DAB1: variants seen among roughly 807,000 people sequenced by gnomAD.
DAB1 encodes the protein disabled homolog 1.
Under a neutral mutation model 64.6 loss-of-function variants are expected in DAB1, and 15 were observed. That is an observed-to-expected ratio of 0.23 (90% CI 0.16 to 0.36). The LOEUF is 0.36. Ranked by LOEUF, DAB1 falls within the 10% of genes least tolerant of loss-of-function variation. The probability of loss-of-function intolerance (pLI) is 1.00; values close to 1 mark genes in which losing one functional copy is unlikely to be tolerated. For synonymous variants in DAB1, 235 were observed against 251.9 expected (o/e 0.93, Z 0.64); for missense variants, 596 against 706.7 (o/e 0.84, Z 1.78).
At chr1:58,179,456 A>G (rs981442261) in intron 4 of DAB1, among the ~76,000 whole-genome samples, 12 of 152,240 alleles carry the variant, frequency 7.9e-5, no homozygotes, top group Non-Finnish European at 1.6e-4. Flanking sequence ...CAGTAAAGCC[A>G]TCTAGGCTGG....
intron 4 of DAB1, among the ~76,000 whole-genome samples, chr1:58,326,181 T>C (rs1006799911): frequency 2.6e-5 from 4 of 152,324 alleles, no homozygotes; most frequent in Admixed American, 6.5e-5. Context: ...CAAATTATCA[T>C]TGATTTGATT....
At chr1:57,931,397 G>A (rs1202763) in intron 5 of DAB1, among the ~76,000 whole-genome samples, 86,531 of 151,994 alleles carry the variant, frequency 0.57, 25,125 homozygotes, top group African/African-American at 0.66. Context: ...ATATCCTCTG[G>A]TTCTATCTTC....
chr1:57,246,672 G>A lies in DAB1; in HGVS notation c.67+44292C>T, dbSNP rs368463896. 1.2e-4 allele frequency among the ~76,000 whole-genome samples: 18 copies of A among 152,322 alleles called. No individual in the cohort carries two copies. In the East Asian group the frequency reaches 2.5e-3, roughly 21 times the overall value. ...AGGTAAATCCACTGACAGCTTGCATGTGTACCTGGAAAAGCCACAGGCACT... is the reference window on the plus strand; with the variant it reads ...AGGTAAATCCACTGACAGCTTGCATATGTACCTGGAAAAGCCACAGGCACT... On this transcript the variant is annotated intron_variant, in intron 2 of 14. Coordinates refer to ENST00000371236, the MANE Select transcript of DAB1 (RefSeq NM_001365792.1).
intron 1 of DAB1, among the ~76,000 whole-genome samples, chr1:57,301,055 C>T (rs1673605005): frequency 6.6e-6 from 1 of 151,780 alleles, no homozygotes; most frequent in African/African-American, 2.4e-5. Context: ...CATGTGCTTC[C>T]ATTTTCTTTT....
At chr1:57,385,297 T>C (rs1681720992) in intron 1 of DAB1, among the ~76,000 whole-genome samples, 1 of 152,254 alleles carries the variant, frequency 6.6e-6, no homozygotes, top group African/African-American at 2.4e-5. Flanking sequence ...ATTTCTTGAA[T>C]TTGTATTAGC....
intron 3 of DAB1, among the ~76,000 whole-genome samples, chr1:58,494,216 T>C (rs1413392363): frequency 6.6e-6 from 1 of 152,196 alleles, no homozygotes; most frequent in Non-Finnish European, 1.5e-5. Flanking sequence ...GCTAGCCATA[T>C]GGAGAAAGCT....
chr1:58,000,368 T>C (rs1646488221), intron 5 of DAB1, among the ~76,000 whole-genome samples: 2 of 152,168 alleles, frequency 1.3e-5, no homozygotes, highest in Non-Finnish European at 2.9e-5. Flanking sequence ...CCGATGAATG[T>C]GATTTGTGAC....
intron 4 of DAB1, among the ~76,000 whole-genome samples, chr1:58,170,612 G>A (rs1460355831): frequency 6.6e-6 from 1 of 152,122 alleles, no homozygotes; most frequent in Non-Finnish European, 1.5e-5. Flanking sequence ...AACAAACCTT[G>A]GTGGTTCAGA....
intron 3 of DAB1, among the ~76,000 whole-genome samples, chr1:58,381,834 C>T (rs1644392441): frequency 6.6e-6 from 1 of 151,652 alleles, no homozygotes; most frequent in African/African-American, 2.4e-5. Context: ...AGAGGACAAG[C>T]CTGGGAATAA....
intron 5 of DAB1, among the ~76,000 whole-genome samples, chr1:58,138,594 TG>T (rs1654085028): frequency 6.6e-6 from 1 of 152,052 alleles, no homozygotes; most frequent in Non-Finnish European, 1.5e-5. Flanking sequence ...AGAAGTGGGT[TG>T]GGGGATTGTC....
At chr1:58,003,308 C>T (rs1325448) in intron 5 of DAB1, among the ~76,000 whole-genome samples, 3,209 of 152,188 alleles carry the variant, frequency 0.021, 45 homozygotes, top group South Asian at 0.046. Flanking sequence ...AGAAGAAACC[C>T]GATTTTGATG....
chr1:57,542,140 A>C (rs1644809271), intron 7 of DAB1, among the ~76,000 whole-genome samples: 1 of 152,214 alleles, frequency 6.6e-6, no homozygotes, highest in South Asian at 2.1e-4. Context: ...ATTTCTGAGA[A>C]AGTGCCCAAG....
chr1:58,300,632 GAGAGAGAGAGAGAGA>G (rs1662128582), intron 4 of DAB1, among the ~76,000 whole-genome samples: 2 of 69,784 alleles, frequency 2.9e-5, no homozygotes, highest in Admixed American at 1.5e-4. Context: ...GAGAGAGAGA[GAGAGAGAGAGAGAGA>G]GGAAGGAAGG....
chr1:57,009,085 A>G (rs1252349363), intron 14 of DAB1, among the ~76,000 whole-genome samples: 1 of 152,232 alleles, frequency 6.6e-6, no homozygotes, highest in Non-Finnish European at 1.5e-5. Context: ...GGTGTAAGTC[A>G]TCTTTGTTTT....
intron 4 of DAB1, among the ~76,000 whole-genome samples, chr1:57,080,076 C>T (rs537542214): frequency 6.6e-5 from 10 of 152,304 alleles, no homozygotes; most frequent in Admixed American, 6.5e-4. Context: ...ACATAACATA[C>T]AATTTATCAT....
At chr1:58,019,253 C>A (rs1368456139) in intron 5 of DAB1, among the ~76,000 whole-genome samples, 2 of 152,096 alleles carry the variant, frequency 1.3e-5, no homozygotes, top group East Asian at 3.9e-4. Context: ...GGAAAAGTTC[C>A]TTTGGCCAGC....
intron 2 of DAB1, among the ~76,000 whole-genome samples, chr1:58,523,244 T>C (rs748581547): frequency 4.6e-5 from 7 of 152,204 alleles, no homozygotes; most frequent in Non-Finnish European, 7.3e-5. Context: ...ATATCCATAA[T>C]CTTTTCATCA....
intron 6 of DAB1, among the ~76,000 whole-genome samples, chr1:57,775,802 A>T (rs1344842043): frequency 6.6e-6 from 1 of 151,658 alleles, no homozygotes; most frequent in Non-Finnish European, 1.5e-5. Context: ...AAGAAATGTT[A>T]TAATTTCACA....
chr1:57,467,997 A>G (rs1687011901), intron 7 of DAB1, among the ~76,000 whole-genome samples: 1 of 152,294 alleles, frequency 6.6e-6, no homozygotes, highest in South Asian at 2.1e-4. Context: ...AATAGACACT[A>G]TTCCTGAACT....
Sources: allele counts gnomAD v4.1 joint callset (sites outside exome capture counted in the v4.1 genomes callset), GRCh38; gene constraint gnomAD v4.1.1; transcripts MANE v1.5; gene names NCBI Gene and HGNC (gene_info 2026-07-23, HGNC 2026-07-21).